Variants in LDLRAD4 observed in about 807,000 individuals in gnomAD.
The protein encoded by LDLRAD4 is low-density lipoprotein receptor class A domain-containing protein 4.
LDLRAD4 carries 5 observed loss-of-function variants against 17.0 expected under a neutral mutation model. The observed-to-expected ratio is 0.29, with a 90% CI of 0.15 to 0.62. LDLRAD4 has a LOEUF of 0.62. Among genes scored for constraint, LDLRAD4 ranks in the 20% least tolerant of loss-of-function variants. LDLRAD4 has a pLI of 0.84. For missense variants in LDLRAD4, 340 were observed against 424.7 expected (o/e 0.80, Z 1.75); for synonymous variants, 168 against 171.8 (o/e 0.98, Z 0.17).
At position 13,440,626 on chromosome 18, in the gene LDLRAD4, G is replaced by A. The variant is rs150626444; in HGVS notation, c.181+2242G>A. Among the ~76,000 whole-genome samples, 15 of 152,270 alleles carry A rather than the reference G, an allele frequency of 9.9e-5. No individual in the cohort carries two copies. In the East Asian group the frequency reaches 2.3e-3, roughly 24 times the overall value. ...TCAGATTGATCTGGGTTCAAGGTTC[G>A]GCCTAGGGGAGTGACAGCTCCTTTC... On this transcript the variant is annotated intron_variant, in intron 3 of 5. Transcript: ENST00000359446. The surrounding 1 kb of genome is among the most constrained non-coding windows in gnomAD (Gnocchi z 4.4).
In LDLRAD4 at chr18:13,229,616, A is replaced by G. The variant is rs568520560; in HGVS notation, c.-467+10628A>G. ...GAGTGGTTTTACAATCACGTCTTGA[A>G]CTAAGCAGTTTTTCAAGAAAGGCTT... is the stretch of plus-strand genomic sequence containing the variant. On this transcript the variant is annotated intron_variant, in intron 1 of 5. Transcript: ENST00000399848. Among the ~76,000 whole-genome samples the G allele has an allele frequency of 3.3e-5, 5 of 152,354 alleles. No homozygotes were observed. The South Asian group carries it at 8.3e-4, about 25-fold the overall frequency.
At chr18:13,235,981 G>A (rs2145588384) in intron 1 of LDLRAD4, among the ~76,000 whole-genome samples, 1 of 152,304 alleles carries the variant, frequency 6.6e-6, no homozygotes, top group East Asian at 1.9e-4. Context: ...ATGATCATGT[G>A]TTCCTGTTTT....
At chr18:13,636,423 GAA>G (rs1309753970) in intron 4 of LDLRAD4, among the ~76,000 whole-genome samples, 3 of 125,770 alleles carry the variant, frequency 2.4e-5, no homozygotes. Flanking sequence ...TTTCATTTTA[GAA>G]AAAAAAAAAA....
chr18:13,345,843 T>C (rs932092586), intron 1 of LDLRAD4, among the ~76,000 whole-genome samples: 1 of 152,248 alleles, frequency 6.6e-6, no homozygotes, highest in African/African-American at 2.4e-5. Context: ...CCATTTCTTC[T>C]AGATTTTCTA....
At chr18:13,542,981 AC>A (rs1355759183) in intron 3 of LDLRAD4, 1 of 152,170 alleles carries the variant, frequency 6.6e-6, no homozygotes, top group African/African-American at 2.4e-5. Context: ...CTCTGGATAA[AC>A]GTGGTAAATA....
chr18:13,313,650 G>C (rs1413703666), intron 1 of LDLRAD4, among the ~76,000 whole-genome samples: 1 of 152,212 alleles, frequency 6.6e-6, no homozygotes, highest in African/African-American at 2.4e-5. Context: ...ATTTGAACAA[G>C]AACGTTTTGC....
intron 2 of LDLRAD4, among the ~76,000 whole-genome samples, chr18:13,426,580 T>A (rs911972511): frequency 3.3e-5 from 5 of 152,172 alleles, no homozygotes; most frequent in Non-Finnish European, 5.9e-5. Flanking sequence ...CTACTGCAGC[T>A]TGGTGTACAG....
chr18:13,430,901 G>C (rs944959168), intron 2 of LDLRAD4, among the ~76,000 whole-genome samples: 1 of 152,170 alleles, frequency 6.6e-6, no homozygotes, highest in African/African-American at 2.4e-5. Context: ...CCATGCTGAT[G>C]GAGGAGCTCA....
intron 3 of LDLRAD4, among the ~76,000 whole-genome samples, chr18:13,587,034 T>C (rs1276978412): frequency 6.6e-6 from 1 of 152,032 alleles, no homozygotes; most frequent in Non-Finnish European, 1.5e-5. Flanking sequence ...ATGAAAATAT[T>C]ATATGTTTAT....
At chr18:13,280,473 G>A (rs1037873134) in intron 1 of LDLRAD4, among the ~76,000 whole-genome samples, 1 of 152,190 alleles carries the variant, frequency 6.6e-6, no homozygotes, top group African/African-American at 2.4e-5. Flanking sequence ...CTGTGTGCTG[G>A]GGGGATTGGA....
At chr18:13,590,891 A>G (rs569687748) in intron 3 of LDLRAD4, among the ~76,000 whole-genome samples, 15 of 152,144 alleles carry the variant, frequency 9.9e-5, no homozygotes, top group Non-Finnish European at 2.2e-4. Context: ...CATCAGATGG[A>G]ATGGAGGAAG....
chr18:13,292,883 C>G (rs2046044470), intron 1 of LDLRAD4, among the ~76,000 whole-genome samples: 1 of 152,202 alleles, frequency 6.6e-6, no homozygotes, highest in Non-Finnish European at 1.5e-5. Flanking sequence ...GGAGAGAGAT[C>G]TAGGAGTTTT....
At chr18:13,643,299 G>A (rs1456436214) in intron 4 of LDLRAD4, 60 bp from the exon 6 acceptor site, 3 of 1,089,314 alleles carry the variant, frequency 2.8e-6, no homozygotes, top group African/African-American at 3.3e-5. Context: ...GGTGCGGCGG[G>A]GCTAATGATT....
chr18:13,274,624 C>T (rs1162490024), upstream of LDLRAD4, among the ~76,000 whole-genome samples: 1 of 152,146 alleles, frequency 6.6e-6, no homozygotes, highest in Non-Finnish European at 1.5e-5. Flanking sequence ...ATCATACAGT[C>T]CTGAATGTAG....
intron 2 of LDLRAD4, among the ~76,000 whole-genome samples, chr18:13,397,052 G>T (rs1474789127): frequency 6.6e-6 from 1 of 152,368 alleles, no homozygotes; most frequent in East Asian, 1.9e-4. Flanking sequence ...TCACACGAGG[G>T]TTCTGTCCTA....
chr18:13,471,656 G>A (rs1315850242), intron 3 of LDLRAD4: 1 of 152,558 alleles, frequency 6.6e-6, no homozygotes, highest in Non-Finnish European at 1.5e-5. Context: ...GAGGGTGGAG[G>A]GATGACGGCC....
At chr18:13,405,744 A>C (rs1019350162) in intron 2 of LDLRAD4, among the ~76,000 whole-genome samples, 2 of 151,664 alleles carry the variant, frequency 1.3e-5, no homozygotes, top group Non-Finnish European at 2.9e-5. Context: ...CCGAGCCCCT[A>C]TGCGAGCGTT....
chr18:13,528,589 A>G (rs1351145972), intron 3 of LDLRAD4, among the ~76,000 whole-genome samples: 5 of 152,234 alleles, frequency 3.3e-5, no homozygotes. Flanking sequence ...CTGAGATTAC[A>G]GGCATGAGCC....
intron 4 of LDLRAD4, among the ~76,000 whole-genome samples, chr18:13,637,265 G>A (rs1444906956): frequency 6.6e-6 from 1 of 152,086 alleles, no homozygotes; most frequent in Non-Finnish European, 1.5e-5. Flanking sequence ...GCCATGCTGG[G>A]CTAATGTTTT....
Sources: allele counts gnomAD v4.1 joint callset (sites outside exome capture counted in the v4.1 genomes callset), GRCh38; gene constraint gnomAD v4.1.1; non-coding constraint Gnocchi (gnomAD v3.1); transcripts MANE v1.5; gene names NCBI Gene and HGNC (gene_info 2026-07-23, HGNC 2026-07-21).